MAP3K10: variants seen among roughly 807,000 people sequenced by gnomAD.
MAP3K10 encodes MKN28 derived nonreceptor_type serine/threonine kinase.
MAP3K10 carries 22 observed loss-of-function variants against 75.0 expected under a neutral mutation model. The observed-to-expected ratio is 0.29, with a 90% CI of 0.21 to 0.42. The LOEUF is 0.42. Among genes scored for constraint, MAP3K10 ranks in the 10% least tolerant of loss-of-function variants. The pLI is 1.00. For synonymous variants in MAP3K10, 599 were observed against 612.9 expected (o/e 0.98, Z 0.34); for missense variants, 1,165 against 1,379.8 (o/e 0.84, Z 2.47).
In MAP3K10 at chr19:40,213,999, C is replaced by CCCGG; in HGVS notation, c.2322_2323insGGCC (p.Ser775GlyfsTer78). 2 of 1,517,652 alleles carry CCCGG rather than the reference C, an allele frequency of 1.3e-6. No homozygotes were observed. Among genetic ancestry groups the CCCGG allele is most frequent in the Non-Finnish European group, 1.8e-6 (2 of 1,139,020 alleles). The allele number at this position is 1,517,652 out of a possible 1,614,324, so 94.0% of individuals were successfully genotyped here. On this transcript the variant is annotated frameshift_variant, in exon 9 of 10. Transcript: ENST00000253055. LOFTEE classifies it high-confidence loss of function. This position sits in a 1 kb window ranked among gnomAD's most constrained non-coding sequence, Gnocchi z 5.7. ...CAGTGACGAGGCCGCACCGGCCGCG[C>CCCGG]CCTCCCCACCACCCTCCCCGCCCGC...
At position 40,205,374 on chromosome 19, in the gene MAP3K10, C is replaced by T. The variant is rs1452609557; in HGVS notation, c.1188+78C>T. ...TGCCTTGGGCTGCTCAGAGACTCCT[C>T]CCCTGAACCCCAGCCTTTGGGTCCA... On this transcript the variant is annotated intron_variant, in intron 4 of 9. Transcript: ENST00000253055. This position sits in a 1 kb window ranked among gnomAD's most constrained non-coding sequence, Gnocchi z 4.3. 6.1e-6 allele frequency: 9 copies of T among 1,471,104 alleles called. No individual in the cohort carries two copies. The highest frequency in any genetic ancestry group is 8.4e-6 in the Non-Finnish European group (9 of 1,068,868). 91.1% of individuals were successfully genotyped at this position (1,471,104 alleles called of 1,614,324 possible).
rs1973276786 is a variant in MAP3K10 at position 40,213,351 on chromosome 19, C to A, written c.1837+163C>A. ...GGGCGTGGGGGGTCATTTCCAGGGG[C>A]AGGGACCACCCTTCTCTGAGGCTTC... is the stretch of plus-strand genomic sequence containing the variant. On this transcript the variant is annotated intron_variant, in intron 8 of 9. Coordinates refer to ENST00000253055, the MANE Select transcript of MAP3K10 (RefSeq NM_002446.4). This position sits in a 1 kb window ranked among gnomAD's most constrained non-coding sequence, Gnocchi z 5.7. The A allele has an allele frequency of 1.7e-5, 24 of 1,453,448 alleles. No individual in the cohort carries two copies. Among genetic ancestry groups the A allele is most frequent in the Middle Eastern group, 2.3e-4 (1 of 4,336 alleles). The allele number at this position is 1,453,448 out of a possible 1,614,324, so 90.0% of individuals were successfully genotyped here.
Position 40,204,362 on chromosome 19 carries a change from C to A in MAP3K10, c.864-123C>A, listed in dbSNP as rs1329238656. The A allele has an allele frequency of 3.7e-6, 4 of 1,095,060 alleles. No individual in the cohort carries two copies. The highest frequency in any genetic ancestry group is 5.5e-4 in the Middle Eastern group (2 of 3,622). 67.8% of individuals were successfully genotyped at this position (1,095,060 alleles called of 1,614,324 possible). On this transcript the variant is annotated intron_variant, in intron 2 of 9. Coordinates refer to ENST00000253055, the MANE Select transcript of MAP3K10 (RefSeq NM_002446.4). The surrounding 1 kb of genome is among the most constrained non-coding windows in gnomAD (Gnocchi z 4.3). The stretch of plus-strand genomic sequence containing the variant: ...TGGAGGTCAAAGCAAGTTCTTGTGA[C>A]CTCATTGGCCGGGGGTGGCTGTTGG...
In MAP3K10 at chr19:40,213,428, G is replaced by A; in HGVS notation, c.1838-89G>A. On this transcript the variant is annotated intron_variant, in intron 8 of 9. Transcript: ENST00000253055. This position sits in a 1 kb window ranked among gnomAD's most constrained non-coding sequence, Gnocchi z 5.7. Reference sequence around the variant, plus strand: ...CTCGTGGGTCTTGGTCTTGCTGTTGGAGGGGTCATCGGGGGCTGTCCCTTG... The same window carrying A: ...CTCGTGGGTCTTGGTCTTGCTGTTGAAGGGGTCATCGGGGGCTGTCCCTTG... 1 of 1,543,130 alleles carries A rather than the reference G, an allele frequency of 6.5e-7. No homozygotes were observed. The highest frequency in any genetic ancestry group is 8.7e-7 in the Non-Finnish European group (1 of 1,150,256).
chr19:40,213,425 T>C lies in MAP3K10; in HGVS notation c.1838-92T>C. 1.9e-6 allele frequency: 3 copies of C among 1,538,718 alleles called. No individual in the cohort carries two copies. The highest frequency in any genetic ancestry group is 2.6e-6 in the Non-Finnish European group (3 of 1,147,990). On this transcript the variant is annotated intron_variant, in intron 8 of 9. Coordinates refer to ENST00000253055, the MANE Select transcript of MAP3K10 (RefSeq NM_002446.4). The surrounding 1 kb of genome is among the most constrained non-coding windows in gnomAD (Gnocchi z 5.7). ...ATGCTCGTGGGTCTTGGTCTTGCTG[T>C]TGGAGGGGTCATCGGGGGCTGTCCC...
rs764088069 is a variant in MAP3K10 at position 40,213,490 on chromosome 19, C to T, written c.1838-27C>T. On this transcript the variant is annotated intron_variant, in intron 8 of 9. Coordinates refer to ENST00000253055, the MANE Select transcript of MAP3K10 (RefSeq NM_002446.4). The surrounding 1 kb of genome is among the most constrained non-coding windows in gnomAD (Gnocchi z 5.7). ...CGTGGGGCCCTGGCCAGCCCTGCAG[C>T]GGAGTGATGGCCCTCTCCGGTTGCA... is the stretch of plus-strand genomic sequence containing the variant. 1.2e-6 allele frequency: 2 copies of T among 1,607,860 alleles called. No individual in the cohort carries two copies. The highest frequency in any genetic ancestry group is 1.7e-6 in the Non-Finnish European group (2 of 1,178,670).
At position 40,192,622 on chromosome 19, in the gene MAP3K10, C is replaced by G; in HGVS notation, c.591C>G (p.Val197=). 6.2e-7 allele frequency: 1 copy of G among 1,611,014 alleles called. No homozygotes were observed. The change falls in exon 1 of 10, where the codon GTC becomes GTG. Residue 197 remains valine, a synonymous_variant. Transcript: ENST00000253055. This position sits in a 1 kb window ranked among gnomAD's most constrained non-coding sequence, Gnocchi z 7.1. Reference sequence around the variant, plus strand: ...GCCGGGTGCCACCTCACGTGCTGGTCAACTGGGCTGTGCAGGTGGCCCGGG... The same window carrying G: ...GCCGGGTGCCACCTCACGTGCTGGTGAACTGGGCTGTGCAGGTGGCCCGGG... ...AGRRVPPHVL[V]NWAVQVARGM...
chr19:40,214,260 C>T, intron 9 of MAP3K10, 39 bp downstream of exon 9: 1 of 1,364,038 alleles, frequency 7.3e-7, no homozygotes, highest in Non-Finnish European at 9.4e-7. Flanking sequence ...CAGAAAACCC[C>T]TTCTTTCCTC....
In MAP3K10 at chr19:40,214,205, CG is replaced by C; in HGVS notation, c.2527del (p.Ala843ArgfsTer39). 1 of 1,428,568 alleles carries C rather than the reference CG, an allele frequency of 7.0e-7. No individual in the cohort carries two copies. The highest frequency in any genetic ancestry group is 9.1e-7 in the Non-Finnish European group (1 of 1,102,304). 88.5% of individuals were successfully genotyped at this position (1,428,568 alleles called of 1,614,324 possible). Reference sequence around the variant, plus strand: ...TGGGGCAGCGGGGGCCGCCCGAGCCCGCGGGCCATGGCCCTGGTGAGTGAGG... The same window carrying C: ...TGGGGCAGCGGGGGCCGCCCGAGCCCCGGGCCATGGCCCTGGTGAGTGAGG... Reference protein sequence around the residue: ...ALGQRGPPEPAGHGPGPRDLL... With the variant: ...ALGQRGPPEPXGHGPGPRDLL... On this transcript the variant is annotated frameshift_variant, in exon 9 of 10. Coordinates refer to ENST00000253055, the MANE Select transcript of MAP3K10 (RefSeq NM_002446.4). LOFTEE classifies it high-confidence loss of function.
intron 6 of MAP3K10, among the ~76,000 whole-genome samples, chr19:40,211,274 A>G (rs1973232906): frequency 6.7e-6 from 1 of 150,272 alleles, no homozygotes; most frequent in South Asian, 2.1e-4. Flanking sequence ...GGGTCAGATC[A>G]GGCAGGGCCC....
At position 40,204,653 on chromosome 19, in the gene MAP3K10, C is replaced by T. The variant is rs201538850; in HGVS notation, c.1012+20C>T. 4.6e-5 allele frequency: 74 copies of T among 1,607,908 alleles called. No individual in the cohort carries two copies. The Middle Eastern group carries it at 5.6e-4, about 12-fold the overall frequency. ...TGGAGGGTGAGCCGGGGCCCCGTGA[C>T]GAGGGTAGGCTCAGCTTGGAGTGGC... On this transcript the variant is annotated intron_variant, in intron 3 of 9. Transcript: ENST00000253055. This position sits in a 1 kb window ranked among gnomAD's most constrained non-coding sequence, Gnocchi z 4.3.
chr19:40,211,425 T>C (rs1973238495), intron 6 of MAP3K10, among the ~76,000 whole-genome samples: 1 of 151,848 alleles, frequency 6.6e-6, no homozygotes, highest in Non-Finnish European at 1.5e-5. Context: ...TGCAGGTTTG[T>C]TACATAGGTA....
At chr19:40,208,771 C>T (rs1973181958) in intron 5 of MAP3K10, among the ~76,000 whole-genome samples, 1 of 151,990 alleles carries the variant, frequency 6.6e-6, no homozygotes, top group South Asian at 2.1e-4. Flanking sequence ...TCAGCTGCTA[C>T]ACGTAGCTAC....
At position 40,205,603 on chromosome 19, in the gene MAP3K10, A is replaced by T; in HGVS notation, c.1188+307A>T. Reference sequence around the variant, plus strand: ...ATACAAGATTCGCAAAGCATAGGTAATTGTTGAAATTGGATGATGGGTACA... The same window carrying T: ...ATACAAGATTCGCAAAGCATAGGTATTTGTTGAAATTGGATGATGGGTACA... On this transcript the variant is annotated intron_variant, in intron 4 of 9. Coordinates refer to ENST00000253055, the MANE Select transcript of MAP3K10 (RefSeq NM_002446.4). The surrounding 1 kb of genome is among the most constrained non-coding windows in gnomAD (Gnocchi z 4.3). The T allele has an allele frequency of 1.9e-6, 1 of 533,262 alleles. No homozygotes were observed. The highest frequency in any genetic ancestry group is 2.9e-5 in the East Asian group (1 of 34,140). The allele number at this position is 533,262 out of a possible 1,614,324, so 33.0% of individuals were successfully genotyped here. A position where few individuals can be genotyped will look rare whatever the true frequency, so the allele number is the denominator to read the frequency against.
chr19:40,206,237 T>C, intron 5 of MAP3K10, 80 bp downstream of exon 5: 1 of 1,478,080 alleles, frequency 6.8e-7, no homozygotes, highest in Non-Finnish European at 9.1e-7. Context: ...CTTCCTTTTC[T>C]TTTTCAACTT....
rs1297504850 is a variant in MAP3K10, at chr19:40,192,784, AG to A, written c.682+74del. 1.6e-6 allele frequency: 2 copies of A among 1,226,086 alleles called. No individual in the cohort carries two copies. Among genetic ancestry groups the A allele is most frequent in the Non-Finnish European group, 2.2e-6 (2 of 904,374 alleles). 76.0% of individuals were successfully genotyped at this position (1,226,086 alleles called of 1,614,324 possible). A position where few individuals can be genotyped will look rare whatever the true frequency, so the allele number is the denominator to read the frequency against. ...AGGCCAGGCCTAGGTGGTGGGAAAC[AG>A]GGTGAGGGACACCAGATGACACTGT... is the stretch of plus-strand genomic sequence containing the variant. On this transcript the variant is annotated intron_variant, in intron 1 of 9. Coordinates refer to ENST00000253055, the MANE Select transcript of MAP3K10 (RefSeq NM_002446.4). The surrounding 1 kb of genome is among the most constrained non-coding windows in gnomAD (Gnocchi z 7.1).
chr19:40,200,288 GA>G lies in MAP3K10; in HGVS notation c.863+1741del, dbSNP rs201745145. On this transcript the variant is annotated intron_variant, in intron 2 of 9. Coordinates refer to ENST00000253055, the MANE Select transcript of MAP3K10 (RefSeq NM_002446.4). ...TGGGTGACAGAGCAAGACTCCATCT[GA>G]AAAAAAATACTTAAAAATAAAAGCT... Among the ~76,000 whole-genome samples, 454 of 151,832 alleles carry G rather than the reference GA, an allele frequency of 3.0e-3. 3 individuals are homozygous for G. The highest frequency in any genetic ancestry group is 0.01 in the African/African-American group (420 of 41,424).
chr19:40,214,966 C>G lies in MAP3K10; in HGVS notation c.2543-4C>G. The G allele has an allele frequency of 6.6e-7, 1 of 1,505,444 alleles. No homozygotes were observed. Among genetic ancestry groups the G allele is most frequent in the Non-Finnish European group, 9.1e-7 (1 of 1,094,312 alleles). The allele number at this position is 1,505,444 out of a possible 1,614,324, so 93.3% of individuals were successfully genotyped here. ...ACTCACCTCCTCTGAACCTCTCTTA[C>G]CAGGCCCTCGTGACCTTCTGGACTT... is the stretch of plus-strand genomic sequence containing the variant. On this transcript the variant is annotated splice_region_variant and splice_polypyrimidine_tract_variant and intron_variant, in intron 9 of 9. Transcript: ENST00000253055.
At chr19:40,207,717 A>G (rs1319599358) in intron 5 of MAP3K10, among the ~76,000 whole-genome samples, 1 of 152,180 alleles carries the variant, frequency 6.6e-6, no homozygotes, top group Non-Finnish European at 1.5e-5. Flanking sequence ...CCTGGGCGAC[A>G]AGAGCAAAAC....
Sources: gnomAD v4.1 joint callset for allele counts (sites outside exome capture counted in the v4.1 genomes callset) on GRCh38, gnomAD v4.1.1 for gene constraint, Gnocchi (gnomAD v3.1) non-coding constraint, MANE v1.5 for transcripts, NCBI Gene and HGNC (gene_info 2026-07-23, HGNC 2026-07-21) for gene names.